Variants in DCBLD2 observed in about 807,000 individuals in gnomAD.
DCBLD2 encodes discoidin, CUB and LCCL domain containing 2.
A neutral mutation model predicts 86.8 loss-of-function variants in DCBLD2; 54 were observed. The ratio of observed to expected loss-of-function variants is 0.62; its 90% CI spans 0.50 to 0.78. The LOEUF (loss-of-function observed/expected upper bound fraction) is 0.78, where lower values mean the gene tolerates loss of function less well. Ranked by LOEUF, DCBLD2 falls within the 30% of genes least tolerant of loss-of-function variation. The pLI is 0.00. For synonymous variants in DCBLD2, 354 were observed against 341.3 expected (o/e 1.04, Z -0.41); for missense variants, 908 against 954.2 (o/e 0.95, Z 0.64).
intron 1 of DCBLD2, among the ~76,000 whole-genome samples, chr3:98,887,260 T>C (rs1036674): frequency 0.98 from 149,332 of 151,912 alleles, 73,453 homozygotes; most frequent in Middle Eastern, 1. Context: ...TCACATAATA[T>C]ATCTGCGAGA....
chr3:98,827,187 C>T (rs567856547), intron 3 of DCBLD2, among the ~76,000 whole-genome samples: 1 of 152,236 alleles, frequency 6.6e-6, no homozygotes, highest in South Asian at 2.1e-4. Context: ...AATAGGGGCT[C>T]ACTACCACCC....
intron 2 of DCBLD2, among the ~76,000 whole-genome samples, chr3:98,864,149 A>G (rs1189050933): frequency 6.6e-6 from 1 of 152,234 alleles, no homozygotes; most frequent in Admixed American, 6.5e-5. Context: ...CAAAACCACA[A>G]TGAGATACCA....
chr3:98,881,809 T>A, intron 1 of DCBLD2, 42 bp from the exon 2 acceptor site: 1 of 1,555,848 alleles, frequency 6.4e-7, no homozygotes, highest in Non-Finnish European at 8.8e-7. Flanking sequence ...TTCTCACATA[T>A]TTTACTTCCT....
At chr3:98,832,604 C>T (rs1157261474) in intron 3 of DCBLD2, among the ~76,000 whole-genome samples, 1 of 152,160 alleles carries the variant, frequency 6.6e-6, no homozygotes, top group African/African-American at 2.4e-5. Context: ...TTAGTGCTAG[C>T]TTCAAGATGT....
At chr3:98,877,024 G>T (rs1279836424) in intron 2 of DCBLD2, among the ~76,000 whole-genome samples, 4 of 152,160 alleles carry the variant, frequency 2.6e-5, no homozygotes, top group African/African-American at 9.7e-5. Flanking sequence ...AATGCAATTG[G>T]TTAGCTACAG....
At chr3:98,850,672 T>A (rs1942818337) in intron 2 of DCBLD2, among the ~76,000 whole-genome samples, 2 of 152,208 alleles carry the variant, frequency 1.3e-5, no homozygotes, top group South Asian at 4.1e-4. Context: ...ATAAGAGTAA[T>A]GTGGACCTCC....
intron 1 of DCBLD2, among the ~76,000 whole-genome samples, chr3:98,884,067 A>T (rs1254110564): frequency 1.3e-5 from 2 of 152,020 alleles, no homozygotes; most frequent in African/African-American, 4.8e-5. Context: ...ACAACTTTGT[A>T]CCTAAATTCT....
At chr3:98,839,516 G>T (rs879510028) in intron 3 of DCBLD2, among the ~76,000 whole-genome samples, 24 of 152,144 alleles carry the variant, frequency 1.6e-4, no homozygotes, top group Non-Finnish European at 3.1e-4. Flanking sequence ...AAAATAAAAA[G>T]AAACTATCAT....
intron 2 of DCBLD2, among the ~76,000 whole-genome samples, chr3:98,870,806 A>AAAGAAGGAAAGAAAGAAAGAAAGAAAGG (rs1943267047): frequency 8.1e-6 from 1 of 123,300 alleles, no homozygotes; most frequent in Admixed American, 8.1e-5. Context: ...AGAAAGAAAG[A>AAAGAAGGAAAGAAAGAAAGAAAGAAAGG]AAGAAAGGTA....
chr3:98,859,331 C>A (rs1393439674), intron 2 of DCBLD2, among the ~76,000 whole-genome samples: 1 of 152,190 alleles, frequency 6.6e-6, no homozygotes, highest in African/African-American at 2.4e-5. Flanking sequence ...TCAGCAAAAA[C>A]CTCTACAGAC....
At chr3:98,838,216 G>A (rs1942519944) in intron 3 of DCBLD2, among the ~76,000 whole-genome samples, 2 of 118,120 alleles carry the variant, frequency 1.7e-5, no homozygotes, top group East Asian at 2.8e-4. Flanking sequence ...CAGATGGGGT[G>A]GCTGCCGGGC....
chr3:98,811,891 A>C (rs1455044243), intron 10 of DCBLD2, among the ~76,000 whole-genome samples: 1 of 152,198 alleles, frequency 6.6e-6, no homozygotes, highest in Non-Finnish European at 1.5e-5. Context: ...TTATTTATGG[A>C]GGGCCAACGA....
Position 98,799,013 on chromosome 3 carries a change from G to A in DCBLD2, c.*359C>T, listed in dbSNP as rs548667909. On this transcript the variant is annotated 3_prime_UTR_variant, in exon 16 of 16. Coordinates refer to ENST00000326840, the MANE Select transcript of DCBLD2 (RefSeq NM_080927.4). ...AGAACAGTACCGTGCGTTATTGCCA[G>A]TCAGGCTTACAGAGCCATCTCGAGT... is the stretch of plus-strand genomic sequence containing the variant. The A allele has an allele frequency of 7.5e-4, 140 of 187,728 alleles. No individual in the cohort carries two copies. Among genetic ancestry groups the A allele is most frequent in the African/African-American group, 2.8e-3 (120 of 42,250 alleles). The allele number at this position is 187,728 out of a possible 1,614,324, so 11.6% of individuals were successfully genotyped here.
intron 7 of DCBLD2, 107 bp from the exon 8 acceptor site, chr3:98,819,524 A>G: frequency 9.2e-7 from 1 of 1,090,776 alleles, no homozygotes; most frequent in African/African-American, 1.6e-5. Context: ...CATACACTAC[A>G]CTAATAATAC....
rs149284180 is a variant in DCBLD2, at chr3:98,893,871, G to A, written c.205+7251C>T. ...TTAGGAGCAGGGCAGGAGTTCGGCT[G>A]TACAAATCAGCTTTACAAAGTGAGA... On this transcript the variant is annotated intron_variant, in intron 1 of 15. Coordinates refer to ENST00000326840, the MANE Select transcript of DCBLD2 (RefSeq NM_080927.4). Among the ~76,000 whole-genome samples the A allele has an allele frequency of 4.9e-4, 75 of 152,308 alleles. No individual in the cohort carries two copies. The East Asian group carries it at 0.012, about 24-fold the overall frequency.
At chr3:98,848,072 T>C (rs1481148583) in intron 3 of DCBLD2, among the ~76,000 whole-genome samples, 5 of 152,316 alleles carry the variant, frequency 3.3e-5, no homozygotes, top group African/African-American at 1.2e-4. Flanking sequence ...TATTTTATCA[T>C]CCAGGTATTA....
chr3:98,892,032 T>C (rs1943670957), intron 1 of DCBLD2, among the ~76,000 whole-genome samples: 1 of 152,170 alleles, frequency 6.6e-6, no homozygotes, highest in Non-Finnish European at 1.5e-5. Flanking sequence ...ACAAGGCTCT[T>C]AGCACATGCT....
Position 98,799,533 on chromosome 3 carries a change from CA to C in DCBLD2, c.2166del (p.Asp723ThrfsTer65). ...TGGGCCTGGGCTGAGGAGCAGCTGT[CA>C]GTCCTGGAGAGAAGTGTATTGTAAG... ...VGTYNTLLSR[T>X]DSCSSAQAQY... On this transcript the variant is annotated frameshift_variant, in exon 16 of 16. Transcript: ENST00000326840. LOFTEE classifies it high-confidence loss of function. 6.2e-7 allele frequency: 1 copy of C among 1,613,972 alleles called. No individual in the cohort carries two copies. Among genetic ancestry groups the C allele is most frequent in the Non-Finnish European group, 8.5e-7 (1 of 1,179,878 alleles).
chr3:98,838,795 G>A (rs1434169611), intron 3 of DCBLD2, among the ~76,000 whole-genome samples: 5 of 152,090 alleles, frequency 3.3e-5, no homozygotes, highest in Admixed American at 1.3e-4. Flanking sequence ...CTGCAATCCC[G>A]GCACCTCGGG....
Sources: allele counts gnomAD v4.1 joint callset (sites outside exome capture counted in the v4.1 genomes callset), GRCh38; gene constraint gnomAD v4.1.1; transcripts MANE v1.5; gene names NCBI Gene and HGNC (gene_info 2026-07-23, HGNC 2026-07-21).